The following SLC24A3 variants were observed in gnomAD, a reference collection of about 807,000 sequenced individuals.
SLC24A3 encodes the protein sodium/potassium/calcium exchanger 3.
SLC24A3 carries 28 observed loss-of-function variants against 75.8 expected under a neutral mutation model. The observed-to-expected ratio is 0.37, with a 90% CI of 0.27 to 0.51. The LOEUF (loss-of-function observed/expected upper bound fraction) is 0.51. Among genes scored for constraint, SLC24A3 ranks in the 20% least tolerant of loss-of-function variants. SLC24A3 has a pLI of 0.94. For synonymous variants in SLC24A3, 372 were observed against 334.1 expected, an observed-to-expected ratio of 1.11 and a Z score of -1.24; for missense variants, 663 against 847.8, an observed-to-expected ratio of 0.78 and a Z score of 2.71.
chr20:19,721,258 C>A lies in SLC24A3; in HGVS notation c.*118C>A. 2 of 1,314,164 alleles carry A rather than the reference C, an allele frequency of 1.5e-6. No homozygotes were observed. Among genetic ancestry groups the A allele is most frequent in the East Asian group, 2.3e-5 (1 of 42,676 alleles). The allele number at this position is 1,314,164 out of a possible 1,614,324, so 81.4% of individuals were successfully genotyped here. On this transcript the variant is annotated 3_prime_UTR_variant, in exon 17 of 17. Coordinates refer to ENST00000328041, the MANE Select transcript of SLC24A3 (RefSeq NM_020689.4). ...GCGTTCGTCTCTCCTGTGCTGTCCT[C>A]AGGCCTCCGCTCCTGTTTTGGTGGC...
At chr20:19,255,395 A>C (rs1238135973) in intron 1 of SLC24A3, among the ~76,000 whole-genome samples, 2 of 152,224 alleles carry the variant, frequency 1.3e-5, no homozygotes, top group African/African-American at 4.8e-5. Context: ...CCCTGGTTGA[A>C]AACCAAAGAT....
chr20:19,441,344 T>G (rs1987296563), intron 2 of SLC24A3, among the ~76,000 whole-genome samples: 2 of 152,138 alleles, frequency 1.3e-5, no homozygotes, highest in South Asian at 4.1e-4. Context: ...GCTCCAGACT[T>G]GCTAGGTGAG....
intron 2 of SLC24A3, among the ~76,000 whole-genome samples, chr20:19,454,739 C>A (rs530055181): frequency 6.6e-6 from 1 of 152,342 alleles, no homozygotes; most frequent in South Asian, 2.1e-4. Context: ...GCTATCTGCA[C>A]AACCTGCAGA....
chr20:19,219,880 G>C (rs912274217), intron 1 of SLC24A3, among the ~76,000 whole-genome samples: 1 of 152,206 alleles, frequency 6.6e-6, no homozygotes, highest in Admixed American at 6.5e-5. Context: ...TTCAGAGGAG[G>C]TTGTCAGATG....
intron 2 of SLC24A3, among the ~76,000 whole-genome samples, chr20:19,414,357 A>G (rs746601521): frequency 5.3e-5 from 8 of 152,240 alleles, no homozygotes; most frequent in Non-Finnish European, 8.8e-5. Flanking sequence ...AAAGATATTA[A>G]TAACAGACAT....
At chr20:19,634,908 CAAAT>C (rs1436019036) in intron 6 of SLC24A3, among the ~76,000 whole-genome samples, 3 of 152,132 alleles carry the variant, frequency 2.0e-5, no homozygotes, top group Admixed American at 1.3e-4. Context: ...AACCAATCAA[CAAAT>C]AAAACACCAT....
intron 8 of SLC24A3, among the ~76,000 whole-genome samples, chr20:19,670,518 G>T (rs973316363): frequency 1.3e-5 from 2 of 152,220 alleles, no homozygotes; most frequent in African/African-American, 4.8e-5. Flanking sequence ...GAATTAGAAA[G>T]AGCATACATA....
rs1985980397 is a variant in SLC24A3, at chr20:19,370,876, C to G, written c.271+89789C>G. ...ACACAACTCTCTGGTTAGACCGGCT[C>G]TGGGCTGTCAGCAGCCTGGTGGGTC... On this transcript the variant is annotated intron_variant, in intron 2 of 16. Transcript: ENST00000328041. Among the ~76,000 whole-genome samples, 2 of 152,102 alleles carry G rather than the reference C, an allele frequency of 1.3e-5. 1 individual carries two copies. Among genetic ancestry groups the G allele is most frequent in the South Asian group, 4.2e-4 (2 of 4,818 alleles).
chr20:19,361,122 C>T (rs1259645883), intron 2 of SLC24A3, among the ~76,000 whole-genome samples: 4 of 152,206 alleles, frequency 2.6e-5, no homozygotes, highest in Non-Finnish European at 5.9e-5. Flanking sequence ...CCACTGCACC[C>T]GGCCAGAAAT....
chr20:19,667,389 G>A (rs2032411010), intron 8 of SLC24A3, among the ~76,000 whole-genome samples: 1 of 152,192 alleles, frequency 6.6e-6, no homozygotes, highest in Non-Finnish European at 1.5e-5. Flanking sequence ...GCCAAATGGA[G>A]TGAGGGGCAT....
chr20:19,562,898 T>A (rs534381697), intron 3 of SLC24A3, among the ~76,000 whole-genome samples: 1 of 152,236 alleles, frequency 6.6e-6, no homozygotes, highest in African/African-American at 2.4e-5. Context: ...GGCAATAGGA[T>A]ACAGTATAGA....
intron 2 of SLC24A3, among the ~76,000 whole-genome samples, chr20:19,495,738 T>A (rs1988275436): frequency 6.6e-6 from 1 of 152,188 alleles, no homozygotes; most frequent in South Asian, 2.1e-4. Context: ...TCCCTTTCTG[T>A]TATTTGGAAA....
intron 8 of SLC24A3, among the ~76,000 whole-genome samples, chr20:19,666,363 G>C (rs375626467): frequency 5.9e-5 from 9 of 152,000 alleles, no homozygotes; most frequent in Admixed American, 1.3e-4. Flanking sequence ...AAAATTAGCC[G>C]GGCATGGTGG....
chr20:19,446,039 G>A (rs559817183), intron 2 of SLC24A3, among the ~76,000 whole-genome samples: 17 of 152,252 alleles, frequency 1.1e-4, no homozygotes, highest in African/African-American at 3.1e-4. Flanking sequence ...AATGAGGCCC[G>A]TAGGGGTTCA....
chr20:19,435,178 A>G (rs1047611934), intron 2 of SLC24A3, among the ~76,000 whole-genome samples: 1 of 152,170 alleles, frequency 6.6e-6, no homozygotes, highest in African/African-American at 2.4e-5. Flanking sequence ...CCAGGTTTAA[A>G]TCCTGGCAGA....
chr20:19,698,430 G>A, intron 14 of SLC24A3, 138 bp from the exon 15 acceptor site: 1 of 581,306 alleles, frequency 1.7e-6, no homozygotes, highest in East Asian at 2.8e-5. Context: ...CCTTTCACAT[G>A]GGTGATGGCC....
At chr20:19,524,627 CTTGT>C (rs917692534) in intron 3 of SLC24A3, among the ~76,000 whole-genome samples, 9 of 152,314 alleles carry the variant, frequency 5.9e-5, no homozygotes, top group Admixed American at 2.6e-4. Context: ...CTTCATCTTA[CTTGT>C]TTATTACTCA....
chr20:19,536,677 G>A (rs1460217554), intron 3 of SLC24A3, among the ~76,000 whole-genome samples: 1 of 152,124 alleles, frequency 6.6e-6, no homozygotes, highest in Non-Finnish European at 1.5e-5. Flanking sequence ...CCAAAACAGA[G>A]ATATAGACCA....
At chr20:19,300,903 T>C (rs1372549245) in intron 2 of SLC24A3, among the ~76,000 whole-genome samples, 1 of 152,070 alleles carries the variant, frequency 6.6e-6, no homozygotes, top group Non-Finnish European at 1.5e-5. Flanking sequence ...CTGCCTTTCT[T>C]CCTCCAGATG....
Sources: gnomAD v4.1 joint callset for allele counts (sites outside exome capture counted in the v4.1 genomes callset) on GRCh38, gnomAD v4.1.1 for gene constraint, MANE v1.5 for transcripts, NCBI Gene and HGNC (gene_info 2026-07-23, HGNC 2026-07-21) for gene names.